VAV2: variants seen among roughly 807,000 people sequenced by gnomAD.
VAV2 encodes the protein vav guanine nucleotide exchange factor 2.
In VAV2, 67 loss-of-function variants were observed where a neutral mutation model predicts 132.5. The observed-to-expected ratio is 0.51, with a 90% CI of 0.42 to 0.62. The LOEUF is 0.62. Among genes scored for constraint, VAV2 ranks in the 20% least tolerant of loss-of-function variants. The pLI, the probability that VAV2 is intolerant of heterozygous loss-of-function variation, is 0.00. For missense variants in VAV2, 938 were observed against 1,153.6 expected (o/e 0.81, Z 2.71); for synonymous variants, 492 against 443.5 (o/e 1.11, Z -1.37).
At chr9:133,893,591 A>G (rs1406296359) in intron 2 of VAV2, among the ~76,000 whole-genome samples, 3 of 152,220 alleles carry the variant, frequency 2.0e-5, no homozygotes, top group Non-Finnish European at 4.4e-5. Flanking sequence ...TCCAAAGGTC[A>G]CCTTCAAGAA....
chr9:133,959,010 C>T (rs982373811), intron 1 of VAV2, among the ~76,000 whole-genome samples: 5 of 151,196 alleles, frequency 3.3e-5, no homozygotes, highest in African/African-American at 4.9e-5. Context: ...TGAGAGGTGC[C>T]GAGAAACAGC....
At chr9:133,971,825 A>G (rs2132258950) in intron 1 of VAV2, among the ~76,000 whole-genome samples, 1 of 152,238 alleles carries the variant, frequency 6.6e-6, no homozygotes, top group African/African-American at 2.4e-5. Context: ...GGCTTCCCCC[A>G]ACAGAAAGGG....
Position 133,918,845 on chromosome 9 carries a change from G to A in VAV2, c.321+20258C>T, listed in dbSNP as rs1394918998. ...GGCTGAAGTGCAGTGGTGCGATCTC[G>A]GCTCACTGCAACCTCCGCCTCCTGG... On this transcript the variant is annotated intron_variant, in intron 2 of 29. Coordinates refer to ENST00000371850, the MANE Select transcript of VAV2 (RefSeq NM_001134398.2). This position sits in a 1 kb window ranked among gnomAD's most constrained non-coding sequence, Gnocchi z 4.7. Among the ~76,000 whole-genome samples, 1 of 151,934 alleles carries A rather than the reference G, an allele frequency of 6.6e-6. No individual in the cohort carries two copies.
At chr9:133,915,884 TGCACACTCACACAC>T (rs1452997562) in intron 2 of VAV2, among the ~76,000 whole-genome samples, 1 of 111,788 alleles carries the variant, frequency 8.9e-6, no homozygotes, top group African/African-American at 3.3e-5. Flanking sequence ...GACCCACACA[TGCACACTCACACAC>T]GATGCACACG....
intron 4 of VAV2, among the ~76,000 whole-genome samples, chr9:133,825,310 C>T (rs968018828): frequency 1.3e-5 from 2 of 152,154 alleles, no homozygotes; most frequent in African/African-American, 2.4e-5. Context: ...CTCGGGCCAC[C>T]AGGGAGGGAC....
At chr9:133,911,443 G>A (rs1391836146) in intron 2 of VAV2, among the ~76,000 whole-genome samples, 2 of 152,190 alleles carry the variant, frequency 1.3e-5, no homozygotes, top group Non-Finnish European at 2.9e-5. Flanking sequence ...ATACCTCTAT[G>A]GAGGTATGAT....
intron 1 of VAV2, among the ~76,000 whole-genome samples, chr9:133,976,129 C>A (rs1282851050): frequency 6.6e-6 from 1 of 152,126 alleles, no homozygotes; most frequent in African/African-American, 2.4e-5. Flanking sequence ...TTGCTTGAAC[C>A]CAGGAGGCGG....
chr9:133,812,561 T>G (rs760952884), intron 4 of VAV2, among the ~76,000 whole-genome samples: 2 of 152,038 alleles, frequency 1.3e-5, no homozygotes, highest in South Asian at 2.1e-4. Flanking sequence ...ACCAGAATCT[T>G]CCCACCCCTA....
intron 2 of VAV2, among the ~76,000 whole-genome samples, chr9:133,904,972 C>T (rs936507641): frequency 2.6e-5 from 4 of 152,202 alleles, no homozygotes; most frequent in South Asian, 4.1e-4. Flanking sequence ...ATGCAGGGAG[C>T]GCTTGGGACA....
chr9:133,768,309 T>G lies in VAV2; in HGVS notation c.2589+133A>C. 2.4e-6 allele frequency: 3 copies of G among 1,270,064 alleles called. No homozygotes were observed. The highest frequency in any genetic ancestry group is 3.2e-6 in the Non-Finnish European group (3 of 933,192). The allele number at this position is 1,270,064 out of a possible 1,614,324, so 78.7% of individuals were successfully genotyped here. ...CCAACCTTCTGGGCTGCTGTGAGGA[T>G]GAGGGAGATTGCAGAGGGTGTCTGG... On this transcript the variant is annotated intron_variant, in intron 29 of 29. Coordinates refer to ENST00000371850, the MANE Select transcript of VAV2 (RefSeq NM_001134398.2). This position sits in a 1 kb window ranked among gnomAD's most constrained non-coding sequence, Gnocchi z 5.3.
At chr9:133,891,786 GAGGT>G (rs1838977183) in intron 2 of VAV2, among the ~76,000 whole-genome samples, 1 of 69,238 alleles carries the variant, frequency 1.4e-5, no homozygotes, top group African/African-American at 6.2e-5. Flanking sequence ...GATGGAAGGA[GAGGT>G]ATGGAGGGGA....
intron 3 of VAV2, among the ~76,000 whole-genome samples, chr9:133,851,320 C>A (rs984801897): frequency 6.6e-6 from 1 of 152,198 alleles, no homozygotes; most frequent in South Asian, 2.1e-4. Context: ...CCTCCTCCTC[C>A]TGACTCTCAG....
At chr9:133,789,425 G>A (rs1834364666) in intron 13 of VAV2, 82 bp from the exon 14 acceptor site, 4 of 1,354,998 alleles carry the variant, frequency 3.0e-6, no homozygotes, top group Non-Finnish European at 3.1e-6. Flanking sequence ...AGACTGTCGT[G>A]CACCCAAGGG....
intron 2 of VAV2, among the ~76,000 whole-genome samples, chr9:133,897,034 C>T (rs191839370): frequency 4.5e-4 from 68 of 152,232 alleles, no homozygotes; most frequent in African/African-American, 1.5e-3. Context: ...GCGGAGCTTG[C>T]AGTGAGCCGA....
At chr9:133,872,188 AC>A (rs58658236) in intron 2 of VAV2, among the ~76,000 whole-genome samples, 23,108 of 152,042 alleles carry the variant, frequency 0.15, 2,091 homozygotes, top group African/African-American at 0.26. Context: ...TCGTATGTGA[AC>A]CAGGGCGTCA....
chr9:133,787,157 C>T, intron 16 of VAV2, 89 bp downstream of exon 16: 2 of 1,395,442 alleles, frequency 1.4e-6, no homozygotes, highest in Non-Finnish European at 9.4e-7. Flanking sequence ...GCCCCTCAGG[C>T]CCCTGGGTCC....
intron 2 of VAV2, among the ~76,000 whole-genome samples, chr9:133,902,674 A>G (rs899682719): frequency 9.9e-5 from 15 of 152,180 alleles, no homozygotes; most frequent in African/African-American, 3.6e-4. Flanking sequence ...AATCCCCAGG[A>G]CCTCAGAATT....
chr9:133,965,904 A>G (rs1337168691), intron 1 of VAV2, among the ~76,000 whole-genome samples: 1 of 152,222 alleles, frequency 6.6e-6, no homozygotes, highest in African/African-American at 2.4e-5. Flanking sequence ...TACAGCAACA[A>G]AAGCAGCATG....
chr9:133,902,397 C>T (rs1839479362), intron 2 of VAV2, among the ~76,000 whole-genome samples: 1 of 152,200 alleles, frequency 6.6e-6, no homozygotes, highest in African/African-American at 2.4e-5. Flanking sequence ...GCTACCACAT[C>T]CCCAGATTTG....
Sources: allele counts gnomAD v4.1 joint callset (sites outside exome capture counted in the v4.1 genomes callset), GRCh38; gene constraint gnomAD v4.1.1; non-coding constraint Gnocchi (gnomAD v3.1); transcripts MANE v1.5; gene names NCBI Gene and HGNC (gene_info 2026-07-23, HGNC 2026-07-21).